The following MTOR variants were observed in gnomAD, a reference collection of about 807,000 sequenced individuals.
The protein encoded by MTOR is mechanistic target of rapamycin kinase, also known as serine/threonine-protein kinase mTOR.
MTOR carries 70 observed loss-of-function variants against 319.8 expected under a neutral mutation model. That is an observed-to-expected ratio of 0.22 (90% CI 0.18 to 0.27). The LOEUF is 0.27. MTOR is among the 10% of genes least tolerant of loss of function. MTOR has a pLI of 1.00. For missense variants in MTOR, 1,890 were observed against 3,274.4 expected (o/e 0.58, Z 10.32); for synonymous variants, 1,183 against 1,211.4 (o/e 0.98, Z 0.49).
intron 6 of MTOR, among the ~76,000 whole-genome samples, chr1:11,249,171 C>A (rs1649254291): frequency 1.3e-5 from 2 of 152,010 alleles, no homozygotes. Context: ...TTGCAGTGAG[C>A]CGAGATCACA....
intron 15 of MTOR, 150 bp downstream of exon 15, chr1:11,233,248 C>A: frequency 1.2e-6 from 1 of 820,776 alleles, no homozygotes; most frequent in South Asian, 1.6e-5. Flanking sequence ...TTATTTCTCT[C>A]TGAATCTGTT....
In MTOR at chr1:11,247,651, G is replaced by C; in HGVS notation, c.1199C>G (p.Ala400Gly). ...MTILNLLPRLAAFRPSAFTDT... is the reference protein window; with the variant it reads ...MTILNLLPRLGAFRPSAFTDT... The stretch of plus-strand genomic sequence containing the variant: ...TGTGAAGGCAGAAGGTCGGAATGCA[G>C]CCAAGCGGGGCAACAAATTAAGGAT... Residue 400 changes from alanine (A) to glycine (G), a missense_variant, in exon 8 of 58, where the codon GCT becomes GGT. Physicochemically the swap from Ala to Gly is moderately conservative, Grantham distance 60. Transcript: ENST00000361445. The C allele has an allele frequency of 6.2e-7, 1 of 1,614,184 alleles. No homozygotes were observed. Among genetic ancestry groups the C allele is most frequent in the Non-Finnish European group, 8.5e-7 (1 of 1,180,044 alleles).
At position 11,212,365 on chromosome 1, in the gene MTOR, G is replaced by A. The variant is rs746532612; in HGVS notation, c.3508C>T (p.Arg1170Cys). The A allele has an allele frequency of 1.3e-5, 21 of 1,613,978 alleles. No homozygotes were observed. The highest frequency in any genetic ancestry group is 1.6e-4 in the Middle Eastern group (1 of 6,084). ...VRTLDQSPELRSTAMDTLSSL... is the reference protein window; with the variant it reads ...VRTLDQSPELCSTAMDTLSSL... ...GACAGCGTGTCCATGGCTGTGGAGC[G>A]CAGTTCTGGGCTCTGGTCCAGTGTT... Residue 1170 changes from arginine (R) to cysteine (C), a missense_variant, in exon 23 of 58, where the codon CGC becomes TGC. By Grantham distance (180) the Arg-to-Cys change is radical. Around this residue, in one of 15 missense-constraint regions of MTOR, gnomAD observed 377 missense variants for 653.9 expected, o/e 0.58. Transcript: ENST00000361445. This position sits in a 1 kb window ranked among gnomAD's most constrained non-coding sequence, Gnocchi z 4.1.
rs376720790 is a variant in MTOR at position 11,256,200 on chromosome 1, A to T, written c.505-8T>A. Reference sequence around the variant, plus strand: ...CTCACGGAGAACCAGGACCTGGAGAAAAAAGCAAACCGAGAACTCTCATTG... The same window carrying T: ...CTCACGGAGAACCAGGACCTGGAGATAAAAGCAAACCGAGAACTCTCATTG... On this transcript the variant is annotated splice_polypyrimidine_tract_variant and splice_region_variant and intron_variant, in intron 4 of 57. Coordinates refer to ENST00000361445, the MANE Select transcript of MTOR (RefSeq NM_004958.4). 5.7e-5 allele frequency: 92 copies of T among 1,612,378 alleles called. No homozygotes were observed. In the African/African-American group the frequency reaches 1.0e-3, roughly 18 times the overall value.
chr1:11,160,725 C>T (rs572770283), intron 29 of MTOR, among the ~76,000 whole-genome samples: 122 of 152,216 alleles, frequency 8.0e-4, no homozygotes, highest in Non-Finnish European at 1.6e-3. Context: ...CAGGCACATG[C>T]TAAGAGTTTG....
intron 6 of MTOR, among the ~76,000 whole-genome samples, chr1:11,249,216 C>T (rs1222882910): frequency 7.0e-6 from 1 of 143,562 alleles, no homozygotes; most frequent in Admixed American, 6.9e-5. Context: ...CAGAGCAAGC[C>T]TTGGTTTTGG....
In MTOR at chr1:11,165,202, C is replaced by G. The variant is rs796833945; in HGVS notation, c.4329+2240G>C. On this transcript the variant is annotated intron_variant, in intron 29 of 57. Transcript: ENST00000361445. ...AAAACTGGCACAAGACAGGGATGCC[C>G]TCTCTCACCACTCCTATTCAACAAA... is the stretch of plus-strand genomic sequence containing the variant. Among the ~76,000 whole-genome samples, 3 of 152,286 alleles carry G rather than the reference C, an allele frequency of 2.0e-5. No homozygotes were observed. In the South Asian group the frequency reaches 6.2e-4, roughly 32 times the overall value.
chr1:11,160,246 A>G (rs1030043660), intron 29 of MTOR, among the ~76,000 whole-genome samples: 2 of 152,042 alleles, frequency 1.3e-5, no homozygotes, highest in Non-Finnish European at 2.9e-5. Context: ...GATTACAGGT[A>G]TGCACCACCA....
intron 46 of MTOR, among the ~76,000 whole-genome samples, chr1:11,125,998 G>A (rs1382845389): frequency 1.5e-5 from 2 of 131,656 alleles, no homozygotes; most frequent in Admixed American, 8.9e-5. Context: ...CCAAGATTGC[G>A]CCATTATACT....
rs562754180 is a variant in MTOR at position 11,229,133 on chromosome 1, T to G, written c.2780-215A>C. Among the ~76,000 whole-genome samples the G allele has an allele frequency of 3.3e-5, 5 of 152,326 alleles. No individual in the cohort carries two copies. The East Asian group carries it at 9.6e-4, about 29-fold the overall frequency. ...AAACGGTTTTTGGCTTTTCTATTAC[T>G]CAAACCACAAAAGCCTAAAACAGTA... On this transcript the variant is annotated intron_variant, in intron 18 of 57. Coordinates refer to ENST00000361445, the MANE Select transcript of MTOR (RefSeq NM_004958.4).
At chr1:11,194,654 G>T in intron 28 of MTOR, 3 of 1,614,160 alleles carry the variant, frequency 1.9e-6, no homozygotes, top group Non-Finnish European at 1.7e-6. Context: ...GCACAGCTCC[G>T]CAAAGGTGAG....
intron 18 of MTOR, among the ~76,000 whole-genome samples, chr1:11,230,153 G>A (rs1646970108): frequency 6.6e-6 from 1 of 151,248 alleles, no homozygotes. Flanking sequence ...AGGCACAGTG[G>A]CTCATGCCTG....
intron 5 of MTOR, among the ~76,000 whole-genome samples, 197 bp downstream of exon 5, chr1:11,255,795 C>T (rs1450024310): frequency 1.4e-5 from 2 of 145,170 alleles, no homozygotes; most frequent in East Asian, 2.0e-4. Flanking sequence ...TGCAGTGAGC[C>T]GAGATTGCGC....
intron 50 of MTOR, 109 bp downstream of exon 50, chr1:11,116,895 A>C: frequency 1.2e-6 from 1 of 806,246 alleles, no homozygotes; most frequent in Non-Finnish European, 2.0e-6. Flanking sequence ...ATACAATACC[A>C]ATATTTATTT....
In MTOR at chr1:11,127,536, A is replaced by C; in HGVS notation, c.6216+88T>G. On this transcript the variant is annotated intron_variant, in intron 44 of 57. Transcript: ENST00000361445. The surrounding 1 kb of genome is among the most constrained non-coding windows in gnomAD (Gnocchi z 5.5). Reference sequence around the variant, plus strand: ...CAAAGGCCTTGGGTCACGTCCTTTCATTCTATAAAAACTTTTCTCATTTCA... The same window carrying C: ...CAAAGGCCTTGGGTCACGTCCTTTCCTTCTATAAAAACTTTTCTCATTTCA... The C allele has an allele frequency of 6.8e-7, 1 of 1,468,182 alleles. No homozygotes were observed. The highest frequency in any genetic ancestry group is 9.1e-7 in the Non-Finnish European group (1 of 1,092,908). The allele number at this position is 1,468,182 out of a possible 1,614,324, so 90.9% of individuals were successfully genotyped here. A position where few individuals can be genotyped will look rare whatever the true frequency, so the allele number is the denominator to read the frequency against.
intron 29 of MTOR, among the ~76,000 whole-genome samples, chr1:11,164,158 CA>C (rs1644563283): frequency 6.6e-6 from 1 of 151,882 alleles, no homozygotes; most frequent in Non-Finnish European, 1.5e-5. Context: ...TCCTGGCTAA[CA>C]CGGTGAAACC....
At chr1:11,157,598 T>G (rs1008962102) in intron 29 of MTOR, among the ~76,000 whole-genome samples, 4 of 152,172 alleles carry the variant, frequency 2.6e-5, no homozygotes, top group Non-Finnish European at 5.9e-5. Flanking sequence ...CACACCAGGA[T>G]GTGCGGACAC....
At chr1:11,171,933 G>A (rs969581701) in intron 28 of MTOR, among the ~76,000 whole-genome samples, 1 of 151,818 alleles carries the variant, frequency 6.6e-6, no homozygotes, top group East Asian at 1.9e-4. Context: ...TACTGGGAAG[G>A]CTGAGGCAGG....
rs2100792791 is a variant in MTOR, at chr1:11,212,337, G to A, written c.3536C>T (p.Ser1179Leu). 6.2e-7 allele frequency: 1 copy of A among 1,613,996 alleles called. No individual in the cohort carries two copies. Among genetic ancestry groups the A allele is most frequent in the Non-Finnish European group, 8.5e-7 (1 of 1,179,962 alleles). Residue 1179 changes from serine to leucine, a missense_variant, in exon 23 of 58, where the codon TCA becomes TTA. Around this residue, in one of 15 missense-constraint regions of MTOR, gnomAD observed 115 missense variants for 105.7 expected, o/e 1.09. Transcript: ENST00000361445. The surrounding 1 kb of genome is among the most constrained non-coding windows in gnomAD (Gnocchi z 4.1). ...LRSTAMDTLS[S>L]LVFQLGKKYQ... ...CTTCTTCCCCAGCTGAAAAACAAGT[G>A]AAGACAGCGTGTCCATGGCTGTGGA... is the stretch of plus-strand genomic sequence containing the variant.
Sources: gnomAD v4.1 joint callset for allele counts (sites outside exome capture counted in the v4.1 genomes callset) on GRCh38, gnomAD v4.1.1 for gene constraint, gnomAD v4.1.1 regional missense constraint, Gnocchi (gnomAD v3.1) non-coding constraint, MANE v1.5 for transcripts, NCBI Gene and HGNC (gene_info 2026-07-23, HGNC 2026-07-21) for gene names.